LCK: variants seen among roughly 807,000 people sequenced by gnomAD.
The protein encoded by LCK is tyrosine-protein kinase Lck.
A neutral mutation model predicts 64.6 loss-of-function variants in LCK; 14 were observed. That is an observed-to-expected ratio of 0.22 (90% confidence interval 0.14 to 0.34). LCK has a LOEUF of 0.34. LCK is among the 10% of genes least tolerant of loss of function. The pLI is 1.00. For synonymous variants in LCK, 277 were observed against 263.6 expected (o/e 1.05, Z -0.49); for missense variants, 434 against 668.1 (o/e 0.65, Z 3.86).
Position 32,276,625 on chromosome 1 carries a change from C to T in LCK, c.803C>T (p.Thr268Met), listed in dbSNP as rs1557585827. The T allele has an allele frequency of 6.2e-7, 1 of 1,612,260 alleles. No homozygotes were observed. The highest frequency in any genetic ancestry group is 1.3e-5 in the African/African-American group (1 of 75,012). Residue 268 changes from threonine (T) to methionine (M), a missense_variant, in exon 9 of 13, where the codon ACG becomes ATG. Coordinates refer to ENST00000336890, the MANE Select transcript of LCK (RefSeq NM_005356.5). The surrounding 1 kb of genome is among the most constrained non-coding windows in gnomAD (Gnocchi z 4.6). ...EVWMGYYNGH[T>M]KVAVKSLKQG... is the part of the protein sequence containing the mutation. ...GACCCAGGGTACTACAACGGGCACA[C>T]GAAGGTGGCGGTGAAGAGCCTGAAG... is the stretch of plus-strand genomic sequence containing the variant.
Position 32,276,008 on chromosome 1 carries a change from C to T in LCK, c.576C>T (p.Tyr192=). 1 of 1,614,172 alleles carries T rather than the reference C, an allele frequency of 6.2e-7. No homozygotes were observed. Among genetic ancestry groups the T allele is most frequent in the East Asian group, 2.2e-5 (1 of 44,886 alleles). Residue 192 remains tyrosine (Y), a synonymous_variant, in exon 7 of 13, where the codon TAC becomes TAT. Transcript: ENST00000336890. The surrounding 1 kb of genome is among the most constrained non-coding windows in gnomAD (Gnocchi z 4.6). ...KIRNLDNGGF[Y]ISPRITFPGL... ...GTAATCTGGACAACGGTGGCTTCTA[C>T]ATCTCCCCTCGAATCACTTTTCCCG... is the stretch of plus-strand genomic sequence containing the variant.
chr1:32,273,843 C>T (rs906647681), intron 1 of LCK, among the ~76,000 whole-genome samples: 1 of 152,056 alleles, frequency 6.6e-6, no homozygotes, highest in African/African-American at 2.4e-5. Flanking sequence ...GCAGAAGCCT[C>T]TTTCTCAGCC....
In LCK at chr1:32,251,900, GA is replaced by G. The variant is rs1162121301; in HGVS notation, c.-6+530del. ...TGACAAGAATCTCCTGAGAAAGAGA[GA>G]GAGAGAGAGAGAGAGAGAGAGAGAG... On this transcript the variant is annotated intron_variant, in intron 1 of 12. Coordinates refer to ENST00000336890, the MANE Select transcript of LCK (RefSeq NM_005356.5). This position sits in a 1 kb window ranked among gnomAD's most constrained non-coding sequence, Gnocchi z 4.0. Among the ~76,000 whole-genome samples the G allele has an allele frequency of 8.5e-6, 1 of 117,280 alleles. No homozygotes were observed. The highest frequency in any genetic ancestry group is 2.2e-4 in the East Asian group (1 of 4,602). The allele number at this position is 117,280 out of a possible 152,430, so 76.9% of individuals were successfully genotyped here. A position where few individuals can be genotyped will look rare whatever the true frequency, so the allele number is the denominator to read the frequency against.
chr1:32,285,469 C>A, intron 12 of LCK, 45 bp from the exon 13 acceptor site: 1 of 1,552,074 alleles, frequency 6.4e-7, no homozygotes, highest in Non-Finnish European at 8.9e-7. Flanking sequence ...TGCCTGTGGG[C>A]TTCCAGTGCC....
Position 32,275,542 on chromosome 1 carries a change from G to A in LCK, c.378-27G>A, listed in dbSNP as rs1257765917. The A allele has an allele frequency of 1.3e-6, 2 of 1,556,832 alleles. No individual in the cohort carries two copies. The highest frequency in any genetic ancestry group is 1.7e-6 in the Non-Finnish European group (2 of 1,147,516). On this transcript the variant is annotated intron_variant, in intron 5 of 12. Coordinates refer to ENST00000336890, the MANE Select transcript of LCK (RefSeq NM_005356.5). This position sits in a 1 kb window ranked among gnomAD's most constrained non-coding sequence, Gnocchi z 6.9. The stretch of plus-strand genomic sequence containing the variant: ...GAGGAAGATCCGACGACAGCCGACG[G>A]CCTTCGTTCGCTTCCGCCCTGCACA...
At chr1:32,273,800 G>A (rs1414019767) in intron 1 of LCK, among the ~76,000 whole-genome samples, 1 of 152,112 alleles carries the variant, frequency 6.6e-6, no homozygotes, top group Non-Finnish European at 1.5e-5. Context: ...CTGTGTGAGG[G>A]GAACAGCGGG....
intron 1 of LCK, among the ~76,000 whole-genome samples, chr1:32,265,208 G>A (rs989078192): frequency 1.6e-4 from 25 of 151,910 alleles, no homozygotes; most frequent in African/African-American, 5.1e-4. Context: ...TGTAATCAGC[G>A]ATTTAATTAA....
In LCK at chr1:32,275,415, G is replaced by T; in HGVS notation, c.373G>T (p.Glu125Ter). 6.2e-7 allele frequency: 1 copy of T among 1,614,056 alleles called. No homozygotes were observed. The highest frequency in any genetic ancestry group is 8.5e-7 in the Non-Finnish European group (1 of 1,179,960). ...FVAKANSLEP[E>*]PWFFKNLSRK... Reference sequence around the variant, plus strand: ...GGCCAAAGCGAACAGCCTGGAGCCCGAACCGTAAGTGGGGACCCGTCGTGG... The same window carrying T: ...GGCCAAAGCGAACAGCCTGGAGCCCTAACCGTAAGTGGGGACCCGTCGTGG... The change falls in exon 5 of 13, where the codon GAA (glutamate) becomes TAA (stop). Residue 125 changes from glutamate to a stop codon, truncating the protein, a stop_gained. Coordinates refer to ENST00000336890, the MANE Select transcript of LCK (RefSeq NM_005356.5). LOFTEE classifies it high-confidence loss of function. The surrounding 1 kb of genome is among the most constrained non-coding windows in gnomAD (Gnocchi z 6.9).
intron 1 of LCK, among the ~76,000 whole-genome samples, chr1:32,271,164 C>T (rs1640070031): frequency 1.3e-5 from 2 of 152,012 alleles, no homozygotes; most frequent in Non-Finnish European, 2.9e-5. Context: ...TCACACCTGG[C>T]TAATTTTTTG....
chr1:32,267,011 T>C (rs1181218859), intron 1 of LCK, among the ~76,000 whole-genome samples: 3 of 151,020 alleles, frequency 2.0e-5, no homozygotes, highest in East Asian at 2.0e-4. Flanking sequence ...GTATTCTCTT[T>C]ACAACACAAC....
chr1:32,275,676 A>G lies in LCK; in HGVS notation c.481+4A>G. The stretch of plus-strand genomic sequence containing the variant: ...CGGGAGAGCGAGAGCACCGCGGGTG[A>G]GCGGGCGGCGGTCTCGACCGGGCGC... On this transcript the variant is annotated splice_donor_region_variant and intron_variant, in intron 6 of 12. Coordinates refer to ENST00000336890, the MANE Select transcript of LCK (RefSeq NM_005356.5). The surrounding 1 kb of genome is among the most constrained non-coding windows in gnomAD (Gnocchi z 6.9). The G allele has an allele frequency of 6.4e-7, 1 of 1,557,498 alleles. No homozygotes were observed. The highest frequency in any genetic ancestry group is 8.7e-7 in the Non-Finnish European group (1 of 1,152,822).
chr1:32,258,246 G>A (rs113530805), intron 1 of LCK, among the ~76,000 whole-genome samples: 4 of 148,728 alleles, frequency 2.7e-5, no homozygotes, highest in Admixed American at 1.4e-4. Flanking sequence ...TCATGCCACC[G>A]CACTCCAGCC....
chr1:32,269,011 G>A (rs1313679591), intron 1 of LCK, among the ~76,000 whole-genome samples: 1 of 151,104 alleles, frequency 6.6e-6, no homozygotes, highest in Admixed American at 6.6e-5. Flanking sequence ...GTGCACGCCT[G>A]TAGTCCCACC....
intron 1 of LCK, among the ~76,000 whole-genome samples, chr1:32,260,960 C>G (rs759341509): frequency 6.6e-6 from 1 of 152,164 alleles, no homozygotes; most frequent in Non-Finnish European, 1.5e-5. Context: ...GCCCAAGAAA[C>G]TCAGCCACGA....
rs189990245 is a variant in LCK at position 32,267,617 on chromosome 1, C to A, written c.-5-6708C>A. ...CTCTACTAAAAATACAAAATTAGGC[C>A]GGGCATGGTGGCTCATGCCTGTAAT... is the stretch of plus-strand genomic sequence containing the variant. On this transcript the variant is annotated intron_variant, in intron 1 of 12. Coordinates refer to ENST00000336890, the MANE Select transcript of LCK (RefSeq NM_005356.5). 1.7e-3 allele frequency among the ~76,000 whole-genome samples: 253 copies of A among 151,898 alleles called. 1 individual carries two copies. Among genetic ancestry groups the A allele is most frequent in the African/African-American group, 5.8e-3 (242 of 41,420 alleles).
chr1:32,280,107 G>A lies in LCK; in HGVS notation c.1224G>A (p.Ala408=), dbSNP rs375239666. ...EGAKFPIKWT[A]PEAINYGTFT... is the part of the protein sequence containing the mutation. ...CCAAGTTTCCCATTAAGTGGACAGCGCCAGAAGCCATTAACTACGGGACAT... is the reference window on the plus strand; with the variant it reads ...CCAAGTTTCCCATTAAGTGGACAGCACCAGAAGCCATTAACTACGGGACAT... Residue 408 remains alanine, a synonymous_variant, in exon 12 of 13, where the codon GCG becomes GCA. Coordinates refer to ENST00000336890, the MANE Select transcript of LCK (RefSeq NM_005356.5). The A allele has an allele frequency of 8.1e-6, 13 of 1,613,996 alleles. No individual in the cohort carries two copies. Among genetic ancestry groups the A allele is most frequent in the Middle Eastern group, 1.6e-4 (1 of 6,084 alleles).
chr1:32,285,417 G>A, intron 12 of LCK, 97 bp from the exon 13 acceptor site: 1 of 1,060,554 alleles, frequency 9.4e-7, no homozygotes, highest in South Asian at 1.3e-5. Flanking sequence ...CTTTTGGATT[G>A]GTGCTCACAC....
At position 32,258,301 on chromosome 1, in the gene LCK, AAG is replaced by A. The variant is rs376270776; in HGVS notation, c.-6+6939_-6+6940del. Among the ~76,000 whole-genome samples, 724 of 150,540 alleles carry A rather than the reference AAG, an allele frequency of 4.8e-3. 5 individuals are homozygous for A. The highest frequency in any genetic ancestry group is 0.017 in the African/African-American group (693 of 40,888). On this transcript the variant is annotated intron_variant, in intron 1 of 12. Transcript: ENST00000336890. ...CCATCTCTAAAGGAAAAAAAAAAAA[AAG>A]AGAGAGAGCGGAATTAAAGCCAGGT...
At chr1:32,263,442 T>TAAATAAATA (rs1553152408) in intron 1 of LCK, among the ~76,000 whole-genome samples, 12 of 120,210 alleles carry the variant, frequency 1.0e-4, no homozygotes, top group African/African-American at 4.3e-4. Flanking sequence ...AATAAATAAA[T>TAAATAAATA]AAATAAAAAT....
Sources: gnomAD v4.1 joint callset for allele counts (sites outside exome capture counted in the v4.1 genomes callset) on GRCh38, gnomAD v4.1.1 for gene constraint, Gnocchi (gnomAD v3.1) non-coding constraint, MANE v1.5 for transcripts, NCBI Gene and HGNC (gene_info 2026-07-23, HGNC 2026-07-21) for gene names.